Variants in PLD5 observed in about 807,000 individuals in gnomAD.
PLD5 encodes phospholipase D family member 5, also known as inactive phospholipase D5.
Under a neutral mutation model 61.1 loss-of-function variants are expected in PLD5, and 36 were observed. That is an observed-to-expected ratio of 0.59 (90% CI 0.45 to 0.78). The LOEUF is 0.78. Among genes scored for constraint, PLD5 ranks in the 30% least tolerant of loss-of-function variants. The probability of loss-of-function intolerance (pLI) is 0.00; values close to 1 mark genes in which losing one functional copy is unlikely to be tolerated. For missense variants in PLD5, 515 were observed against 644.4 expected (o/e 0.80, Z 2.17); for synonymous variants, 243 against 242.8 (o/e 1.00, Z -0.01).
chr1:242,327,067 G>C lies in PLD5; in HGVS notation c.326+21039C>G, dbSNP rs189056494. On this transcript the variant is annotated intron_variant, in intron 2 of 9. Coordinates refer to ENST00000536534, the MANE Select transcript of PLD5 (RefSeq NM_001372062.1). Reference sequence around the variant, plus strand: ...TTTTTAGTGGAGATGGGGTTTCACCGTGTTAGCCAGGATGGTCTCGATCTC... The same window carrying C: ...TTTTTAGTGGAGATGGGGTTTCACCCTGTTAGCCAGGATGGTCTCGATCTC... Among the ~76,000 whole-genome samples, 4 of 29,566 alleles carry C rather than the reference G, an allele frequency of 1.4e-4. No homozygotes were observed. In the East Asian group the frequency reaches 8.3e-3, roughly 62 times the overall value. 19.4% of individuals were successfully genotyped at this position (29,566 alleles called of 152,430 possible).
At chr1:242,439,801 C>A (rs1184364370) in intron 1 of PLD5, among the ~76,000 whole-genome samples, 1 of 152,086 alleles carries the variant, frequency 6.6e-6, no homozygotes. Flanking sequence ...AAGGGTCACA[C>A]CTGCAATAAG....
chr1:242,525,315 C>T (rs1030080165), upstream of PLD5, among the ~76,000 whole-genome samples: 17 of 151,398 alleles, frequency 1.1e-4, no homozygotes, highest in Non-Finnish European at 1.8e-4. Flanking sequence ...CCGGGCTCCC[C>T]GGGCCGCACC....
At chr1:242,347,943 C>A (rs1660233177) in intron 2 of PLD5, among the ~76,000 whole-genome samples, 163 bp downstream of exon 2, 1 of 152,110 alleles carries the variant, frequency 6.6e-6, no homozygotes, top group African/African-American at 2.4e-5. Context: ...TCATTACTTG[C>A]CCTAAAAGTA....
chr1:242,483,294 G>T (rs988045299), intron 1 of PLD5, among the ~76,000 whole-genome samples: 1 of 152,152 alleles, frequency 6.6e-6, no homozygotes, highest in African/African-American at 2.4e-5. Context: ...ACCCATCAGT[G>T]TGCTGTATTC....
rs557391197 is a variant in PLD5 at position 242,352,610 on chromosome 1, T to C, written c.190-4368A>G. ...CATATGGCAAATCTATTTTTAGTTT[T>C]TTGAGGAATCTCCATACAGTTTTCT... is the stretch of plus-strand genomic sequence containing the variant. On this transcript the variant is annotated intron_variant, in intron 1 of 9. Transcript: ENST00000536534. 9.2e-5 allele frequency among the ~76,000 whole-genome samples: 14 copies of C among 152,306 alleles called. No homozygotes were observed. The South Asian group carries it at 2.7e-3, about 29-fold the overall frequency.
At chr1:242,280,089 A>G (rs545259556) in intron 3 of PLD5, among the ~76,000 whole-genome samples, 1 of 152,350 alleles carries the variant, frequency 6.6e-6, no homozygotes, top group African/African-American at 2.4e-5. Flanking sequence ...AATTGAATTC[A>G]CCAAGCAATC....
chr1:242,446,793 A>T (rs1666560245), intron 1 of PLD5, among the ~76,000 whole-genome samples: 1 of 152,220 alleles, frequency 6.6e-6, no homozygotes, highest in Non-Finnish European at 1.5e-5. Flanking sequence ...TGAAATTTCG[A>T]GGCTGGGGCA....
At chr1:242,517,225 T>C (rs971241250) in intron 1 of PLD5, among the ~76,000 whole-genome samples, 1 of 149,814 alleles carries the variant, frequency 6.7e-6, no homozygotes, top group Non-Finnish European at 1.5e-5. Flanking sequence ...ACTACTTCCG[T>C]ACAATGCCAA....
chr1:242,519,605 A>T (rs1669215675), intron 1 of PLD5, among the ~76,000 whole-genome samples: 1 of 152,244 alleles, frequency 6.6e-6, no homozygotes, highest in Admixed American at 6.5e-5. Flanking sequence ...ACAAGCTGGG[A>T]AGAGAAGCAG....
chr1:242,143,054 G>C (rs1664293843), intron 5 of PLD5, among the ~76,000 whole-genome samples: 1 of 149,386 alleles, frequency 6.7e-6, no homozygotes, highest in African/African-American at 2.5e-5. Flanking sequence ...TTGAGACAGA[G>C]TCTCCCTTGG....
At chr1:242,333,664 T>G (rs1215746859) in intron 2 of PLD5, among the ~76,000 whole-genome samples, 1 of 152,184 alleles carries the variant, frequency 6.6e-6, no homozygotes, top group Non-Finnish European at 1.5e-5. Context: ...CACTCTCTCC[T>G]TCCTGGCCTC....
chr1:242,112,769 T>C (rs1661630655), intron 7 of PLD5, among the ~76,000 whole-genome samples: 1 of 152,160 alleles, frequency 6.6e-6, no homozygotes, highest in African/African-American at 2.4e-5. Context: ...TATTCCAAAT[T>C]AAAAAGGCCT....
chr1:242,343,054 T>G (rs371035394), intron 2 of PLD5, among the ~76,000 whole-genome samples: 3 of 152,092 alleles, frequency 2.0e-5, no homozygotes, highest in Admixed American at 6.6e-5. Context: ...AATGGGAATC[T>G]TATTAGAGGA....
intron 1 of PLD5, among the ~76,000 whole-genome samples, chr1:242,413,891 G>A (rs941193076): frequency 2.6e-5 from 4 of 152,130 alleles, no homozygotes; most frequent in African/African-American, 9.7e-5. Context: ...GTTAGGAGAA[G>A]GAGTAGGGAG....
chr1:242,371,359 T>A (rs1661621979), intron 1 of PLD5, among the ~76,000 whole-genome samples: 1 of 152,046 alleles, frequency 6.6e-6, no homozygotes, highest in African/African-American at 2.4e-5. Flanking sequence ...CTTCTCTGCT[T>A]GGGTGCTACA....
chr1:242,211,227 T>G lies in PLD5; in HGVS notation c.735+8761A>C, dbSNP rs753766030. ...CAGGCTCGTGGGAAAAATTTTAAGATGAAGTTATAGGATATACACACAAAC... is the reference window on the plus strand; with the variant it reads ...CAGGCTCGTGGGAAAAATTTTAAGAGGAAGTTATAGGATATACACACAAAC... On this transcript the variant is annotated intron_variant, in intron 5 of 9. Coordinates refer to ENST00000536534, the MANE Select transcript of PLD5 (RefSeq NM_001372062.1). Among the ~76,000 whole-genome samples, 18 of 152,310 alleles carry G rather than the reference T, an allele frequency of 1.2e-4. No individual in the cohort carries two copies. In the South Asian group the frequency reaches 1.5e-3, roughly 12 times the overall value.
intron 1 of PLD5, among the ~76,000 whole-genome samples, chr1:242,458,784 G>A (rs1285475302): frequency 6.6e-6 from 1 of 152,154 alleles, no homozygotes; most frequent in African/African-American, 2.4e-5. Context: ...CAATATCATA[G>A]TATTTTAATA....
chr1:242,314,488 G>A (rs552274593), intron 2 of PLD5, among the ~76,000 whole-genome samples: 289 of 152,254 alleles, frequency 1.9e-3, no homozygotes, highest in African/African-American at 6.4e-3. Flanking sequence ...GAACAAACTT[G>A]CCCAAGTGTC....
Position 242,190,307 on chromosome 1 carries a change from G to A in PLD5, c.735+29681C>T, listed in dbSNP as rs554888273. Reference sequence around the variant, plus strand: ...ACTACAGGCACCTGCCACCACGCCCGGCTAATTTTTTTGTACTTTTAGTAG... The same window carrying A: ...ACTACAGGCACCTGCCACCACGCCCAGCTAATTTTTTTGTACTTTTAGTAG... On this transcript the variant is annotated intron_variant, in intron 5 of 9. Transcript: ENST00000536534. 2.4e-4 allele frequency among the ~76,000 whole-genome samples: 36 copies of A among 151,652 alleles called. No individual in the cohort carries two copies. In the South Asian group the frequency reaches 5.9e-3, roughly 25 times the overall value.
Sources: allele counts gnomAD v4.1 joint callset (sites outside exome capture counted in the v4.1 genomes callset), GRCh38; gene constraint gnomAD v4.1.1; transcripts MANE v1.5; gene names NCBI Gene and HGNC (gene_info 2026-07-23, HGNC 2026-07-21).